Variants in APP observed in about 807,000 individuals in gnomAD.
The protein encoded by APP is amyloid-beta precursor protein.
Under a neutral mutation model 101.4 loss-of-function variants are expected in APP, and 31 were observed. The ratio of observed to expected loss-of-function variants is 0.31; its 90% CI spans 0.23 to 0.41. The LOEUF (loss-of-function observed/expected upper bound fraction) is 0.41, where lower values mean the gene tolerates loss of function less well. Among genes scored for constraint, APP ranks in the 10% least tolerant of loss-of-function variants. The probability of loss-of-function intolerance (pLI) is 1.00; values close to 1 mark genes in which losing one functional copy is unlikely to be tolerated. For missense variants in APP, 839 were observed against 1,003.7 expected, an observed-to-expected ratio of 0.84 and a Z score of 2.22; for synonymous variants, 366 against 364.4, an observed-to-expected ratio of 1.00 and a Z score of -0.05.
chr21:25,962,751 T>C (rs1192229280), intron 11 of APP, among the ~76,000 whole-genome samples: 1 of 152,200 alleles, frequency 6.6e-6, no homozygotes, highest in East Asian at 1.9e-4. Context: ...GTTCTTATAG[T>C]TTGATGTCAA....
At position 25,897,321 on chromosome 21, in the gene APP, G is replaced by A. The variant is rs1005463668; in HGVS notation, c.2064+252C>T. Among the ~76,000 whole-genome samples, 93 of 152,142 alleles carry A rather than the reference G, an allele frequency of 6.1e-4. 1 individual carries two copies. Among genetic ancestry groups the A allele is most frequent in the Admixed American group, 4.1e-3 (62 of 15,284 alleles). On this transcript the variant is annotated intron_variant, in intron 16 of 17. Transcript: ENST00000346798. ...AGTAGAGATGGGGTTTCACCATATT[G>A]GCCAGGCTGGTCTCGAATTTCTGAC...
At chr21:26,049,440 T>C in intron 5 of APP, among the ~76,000 whole-genome samples, 1 of 152,038 alleles carries the variant, frequency 6.6e-6, no homozygotes, top group East Asian at 1.9e-4. Flanking sequence ...AGAGTTACGC[T>C]GGGAACCAAG....
chr21:26,143,385 G>A (rs1001015104), intron 1 of APP, among the ~76,000 whole-genome samples: 5 of 152,160 alleles, frequency 3.3e-5, no homozygotes, highest in African/African-American at 9.7e-5. Flanking sequence ...CTACAGATAG[G>A]TGTCCTGGTT....
intron 13 of APP, among the ~76,000 whole-genome samples, chr21:25,936,605 G>A (rs2040374730): frequency 2.0e-5 from 3 of 152,350 alleles, no homozygotes; most frequent in Admixed American, 2.0e-4. Context: ...GACCATGTGA[G>A]GACATGATGC....
intron 13 of APP, among the ~76,000 whole-genome samples, chr21:25,929,586 T>C (rs904907263): frequency 1.3e-5 from 2 of 152,204 alleles, no homozygotes; most frequent in Non-Finnish European, 2.9e-5. Context: ...CATTCCTTTT[T>C]CTGGGTACAG....
At position 26,095,221 on chromosome 21, in the gene APP, C is replaced by A. The variant is rs1343741874; in HGVS notation, c.226-5149G>T. On this transcript the variant is annotated intron_variant, in intron 2 of 17. Transcript: ENST00000346798. ...CTCAAACTCCTGGCCTCAAGAGATC[C>A]TCCTGTCCTGGCCTCCCAAAGTACC... Among the ~76,000 whole-genome samples, 3 of 152,202 alleles carry A rather than the reference C, an allele frequency of 2.0e-5. No individual in the cohort carries two copies. The South Asian group carries it at 6.2e-4, about 32-fold the overall frequency.
intron 1 of APP, among the ~76,000 whole-genome samples, chr21:26,128,001 C>G (rs1306508387): frequency 1.3e-5 from 2 of 152,122 alleles, no homozygotes; most frequent in African/African-American, 4.8e-5. Flanking sequence ...ATTCAGGAAC[C>G]CTGAGAGAGG....
Position 25,975,184 on chromosome 21 carries a change from G to T in APP, c.1344C>A (p.Asn448Lys). ...GTGTCTCCACCAGCTGCTGTCTCTC[G>T]TTGGCTGCTTCCTGTTCCAAAGATT... ...KVESLEQEAA[N>K]ERQQLVETHM... Residue 448 changes from asparagine to lysine, a missense_variant, in exon 11 of 18, where the codon AAC (asparagine) becomes AAA (lysine). Transcript: ENST00000346798. 6.2e-7 allele frequency: 1 copy of T among 1,614,124 alleles called. No individual in the cohort carries two copies. The highest frequency in any genetic ancestry group is 8.5e-7 in the Non-Finnish European group (1 of 1,180,024).
At chr21:26,125,093 A>T (rs974671488) in intron 1 of APP, among the ~76,000 whole-genome samples, 5 of 152,176 alleles carry the variant, frequency 3.3e-5, no homozygotes, top group Admixed American at 2.0e-4. Flanking sequence ...AGAGCAGAAA[A>T]CATGCCCAGG....
intron 1 of APP, among the ~76,000 whole-genome samples, chr21:26,117,874 G>T (rs1025829768): frequency 6.6e-6 from 1 of 152,164 alleles, no homozygotes; most frequent in Non-Finnish European, 1.5e-5. Context: ...CCATGAAAGC[G>T]AATAGGAGAA....
At chr21:26,051,411 A>G (rs931284073) in intron 4 of APP, among the ~76,000 whole-genome samples, 1 of 152,204 alleles carries the variant, frequency 6.6e-6, no homozygotes, top group Non-Finnish European at 1.5e-5. Context: ...TTTATTTAAT[A>G]AGACCACGAT....
intron 1 of APP, among the ~76,000 whole-genome samples, chr21:26,155,800 C>A (rs142114667): frequency 6.6e-6 from 1 of 152,202 alleles, no homozygotes; most frequent in Non-Finnish European, 1.5e-5. Flanking sequence ...TCAAGACCAT[C>A]CTGGCTAACA....
chr21:25,918,494 C>A (rs1178359154), intron 13 of APP, among the ~76,000 whole-genome samples: 1 of 152,016 alleles, frequency 6.6e-6, no homozygotes, highest in Non-Finnish European at 1.5e-5. Context: ...TAGGGAGTGC[C>A]AGACAGTGGG....
intron 5 of APP, among the ~76,000 whole-genome samples, chr21:26,030,220 G>T (rs557086828): frequency 9.9e-5 from 15 of 152,190 alleles, no homozygotes; most frequent in Non-Finnish European, 1.9e-4. Flanking sequence ...TCAGTGTCAG[G>T]ATATAAAAAG....
intron 1 of APP, among the ~76,000 whole-genome samples, chr21:26,120,666 T>G (rs1356967982): frequency 6.6e-6 from 1 of 152,164 alleles, no homozygotes; most frequent in African/African-American, 2.4e-5. Context: ...TCTCCTACAT[T>G]TTTTAGACCT....
At chr21:25,887,471 C>T (rs1366852695) in intron 17 of APP, among the ~76,000 whole-genome samples, 1 of 148,218 alleles carries the variant, frequency 6.7e-6, no homozygotes, top group African/African-American at 2.5e-5. Context: ...GACTCTCTGG[C>T]CTTATGGCTA....
intron 3 of APP, among the ~76,000 whole-genome samples, chr21:26,059,172 A>G (rs895247179): frequency 3.3e-5 from 5 of 152,232 alleles, no homozygotes; most frequent in African/African-American, 1.2e-4. Context: ...AGATTAATGT[A>G]AAAGATTCTA....
chr21:26,082,509 A>C (rs578022610), intron 3 of APP, among the ~76,000 whole-genome samples: 86 of 152,340 alleles, frequency 5.6e-4, no homozygotes, highest in African/African-American at 1.9e-3. Flanking sequence ...TTATAAAATA[A>C]TAGTATTCAT....
intron 6 of APP, 73 bp from the exon 7 acceptor site, chr21:26,000,255 T>C (rs1261112058): frequency 1.3e-6 from 2 of 1,583,304 alleles, no homozygotes; most frequent in Non-Finnish European, 8.7e-7. Flanking sequence ...TATACACGTT[T>C]ACTTCTTTTA....
Sources: gnomAD v4.1 joint callset for allele counts (sites outside exome capture counted in the v4.1 genomes callset) on GRCh38, gnomAD v4.1.1 for gene constraint, MANE v1.5 for transcripts, NCBI Gene and HGNC (gene_info 2026-07-23, HGNC 2026-07-21) for gene names.